Variants in FRMD4A observed in about 807,000 individuals in gnomAD.
FRMD4A encodes the protein FERM domain containing 4A, also known as FERM domain-containing protein 4A.
A neutral mutation model predicts 129.1 loss-of-function variants in FRMD4A; 29 were observed. The observed-to-expected ratio is 0.22, with a 90% confidence interval of 0.17 to 0.31. The LOEUF is 0.31. Among genes scored for constraint, FRMD4A ranks in the 10% least tolerant of loss-of-function variants. FRMD4A has a pLI of 1.00. For missense variants in FRMD4A, 1,272 were observed against 1,375.8 expected, an observed-to-expected ratio of 0.92 and a Z score of 1.19; for synonymous variants, 634 against 571.6, an observed-to-expected ratio of 1.11 and a Z score of -1.56.
chr10:13,721,689 AG>A, intron 12 of FRMD4A, among the ~76,000 whole-genome samples: 1 of 152,346 alleles, frequency 6.6e-6, no homozygotes, highest in African/African-American at 2.4e-5. Context: ...TGTCAGCACC[AG>A]GCCGGCTGGG....
At chr10:13,729,283 C>T (rs1162173965) in intron 12 of FRMD4A, 1 of 152,300 alleles carries the variant, frequency 6.6e-6, no homozygotes, top group African/African-American at 2.4e-5. Context: ...GTGTTTCTCC[C>T]AGGTGTGCAC....
chr10:14,063,862 T>G (rs1441397051), intron 2 of FRMD4A, among the ~76,000 whole-genome samples: 1 of 152,128 alleles, frequency 6.6e-6, no homozygotes, highest in African/African-American at 2.4e-5. Context: ...GTTATATATG[T>G]GTCACTAAAA....
chr10:14,213,875 G>T (rs1842997521), intron 2 of FRMD4A, among the ~76,000 whole-genome samples: 1 of 152,212 alleles, frequency 6.6e-6, no homozygotes, highest in African/African-American at 2.4e-5. Flanking sequence ...CCTGAGATCT[G>T]ATGGTTTTAT....
intron 2 of FRMD4A, among the ~76,000 whole-genome samples, chr10:14,244,991 A>G (rs1589222471): frequency 1.3e-5 from 2 of 152,244 alleles, no homozygotes; most frequent in Admixed American, 6.5e-5. Flanking sequence ...CTGGAAGTAC[A>G]GTCTCCTTTG....
chr10:14,031,953 G>A (rs982011303), intron 2 of FRMD4A, among the ~76,000 whole-genome samples: 1 of 151,992 alleles, frequency 6.6e-6, no homozygotes, highest in Non-Finnish European at 1.5e-5. Flanking sequence ...AGAGTCAGCG[G>A]CCTTGGTTCT....
intron 2 of FRMD4A, among the ~76,000 whole-genome samples, chr10:13,956,610 A>G (rs2095411528): frequency 6.6e-6 from 1 of 152,256 alleles, no homozygotes; most frequent in South Asian, 2.1e-4. Flanking sequence ...TGAAGTCACC[A>G]AGGCTCATCT....
intron 2 of FRMD4A, among the ~76,000 whole-genome samples, chr10:13,925,856 T>C (rs909298847): frequency 6.7e-6 from 1 of 150,108 alleles, no homozygotes; most frequent in Non-Finnish European, 1.5e-5. Flanking sequence ...GTGCTGGGAT[T>C]ACAGGGGTGA....
chr10:13,932,079 C>T (rs1589314861), intron 2 of FRMD4A, among the ~76,000 whole-genome samples: 1 of 152,186 alleles, frequency 6.6e-6, no homozygotes, highest in African/African-American at 2.4e-5. Flanking sequence ...CCCACAGAAT[C>T]GTAGAGATGT....
chr10:14,170,238 G>C (rs555717608), intron 2 of FRMD4A, among the ~76,000 whole-genome samples: 2 of 152,146 alleles, frequency 1.3e-5, no homozygotes, highest in African/African-American at 2.4e-5. Context: ...GCATGATCAG[G>C]AAAGACAATT....
At chr10:14,154,192 C>T (rs1382169095) in intron 2 of FRMD4A, among the ~76,000 whole-genome samples, 1 of 152,154 alleles carries the variant, frequency 6.6e-6, no homozygotes, top group Non-Finnish European at 1.5e-5. Context: ...TGAAAACCCG[C>T]ATCGGCTTTG....
chr10:14,049,808 T>G (rs906861231), intron 2 of FRMD4A, among the ~76,000 whole-genome samples: 6 of 152,154 alleles, frequency 3.9e-5, no homozygotes, highest in African/African-American at 1.4e-4. Context: ...TGAGCCAAGA[T>G]CATGCCACTG....
At chr10:14,069,099 A>T (rs1231643093) in intron 2 of FRMD4A, among the ~76,000 whole-genome samples, 1 of 151,888 alleles carries the variant, frequency 6.6e-6, no homozygotes, top group Non-Finnish European at 1.5e-5. Flanking sequence ...TTGGTGATTC[A>T]CTTTTTAGGG....
intron 2 of FRMD4A, among the ~76,000 whole-genome samples, chr10:14,258,189 A>G (rs1301136705): frequency 6.6e-6 from 1 of 151,806 alleles, no homozygotes; most frequent in Non-Finnish European, 1.5e-5. Context: ...TTCAAAAAAT[A>G]TAGAACTTAT....
intron 18 of FRMD4A, among the ~76,000 whole-genome samples, chr10:13,665,100 G>C (rs9787567): frequency 0.35 from 53,172 of 151,780 alleles, 10,743 homozygotes; most frequent in East Asian, 0.77. Flanking sequence ...TTGAACTCCC[G>C]ACCTCAGGTG....
At chr10:13,994,958 G>A (rs116865155) in intron 2 of FRMD4A, among the ~76,000 whole-genome samples, 4 of 152,228 alleles carry the variant, frequency 2.6e-5, no homozygotes, top group Admixed American at 1.3e-4. Flanking sequence ...ATTTTCTCAG[G>A]TGACTAGAGT....
At chr10:13,719,349 C>A (rs2089187475) in intron 12 of FRMD4A, among the ~76,000 whole-genome samples, 2 of 152,104 alleles carry the variant, frequency 1.3e-5, no homozygotes, top group African/African-American at 4.8e-5. Context: ...ACGATTCCAG[C>A]AGCTCATGGT....
chr10:13,749,553 G>A (rs76133923), intron 8 of FRMD4A, among the ~76,000 whole-genome samples: 2,426 of 152,244 alleles, frequency 0.016, 59 homozygotes, highest in African/African-American at 0.054. Context: ...GCAATGATCA[G>A]CGTCACCATT....
chr10:14,205,103 C>A (rs1330609593), intron 2 of FRMD4A, among the ~76,000 whole-genome samples: 5 of 147,148 alleles, frequency 3.4e-5, no homozygotes, highest in Non-Finnish European at 6.0e-5. Flanking sequence ...ACAGTGTAAA[C>A]CAAAATCTTA....
At chr10:14,194,590 G>A (rs1338344449) in intron 2 of FRMD4A, among the ~76,000 whole-genome samples, 4 of 152,170 alleles carry the variant, frequency 2.6e-5, no homozygotes, top group Non-Finnish European at 2.9e-5. Flanking sequence ...TCGCCTGGGC[G>A]ACACAGCGAG....
Sources: allele counts gnomAD v4.1 joint callset (sites outside exome capture counted in the v4.1 genomes callset), GRCh38; gene constraint gnomAD v4.1.1; transcripts MANE v1.5; gene names NCBI Gene and HGNC (gene_info 2026-07-23, HGNC 2026-07-21).